BEND3: variants seen among roughly 807,000 people sequenced by gnomAD.
The protein encoded by BEND3 is BEN domain-containing protein 3.
A neutral mutation model predicts 60.1 loss-of-function variants in BEND3; 13 were observed. That is an observed-to-expected ratio of 0.22 (90% CI 0.14 to 0.34). The LOEUF is 0.34. BEND3 is among the 10% of genes least tolerant of loss of function. The pLI is 1.00. For synonymous variants in BEND3, 497 were observed against 491.5 expected (o/e 1.01, Z -0.15); for missense variants, 896 against 1,138.1 (o/e 0.79, Z 3.06).
rs781795814 is a variant in BEND3, at chr6:107,069,126, G to A, written c.2065C>T (p.Leu689=). ...TCCTTGCTGCTCCTCTCGGGGGGCA[G>A]TGGGGGCCCCTCAAACTCCTCCCGG... ...RFREEFEGPP[L]PPERSSKDFC... The change falls in exon 4 of 4, where the codon CTG becomes TTG. Residue 689 remains leucine, a synonymous_variant. Transcript: ENST00000369042. 3.1e-6 allele frequency: 5 copies of A among 1,612,814 alleles called. No individual in the cohort carries two copies. The South Asian group carries it at 3.3e-5, about 11-fold the overall frequency.
At position 107,107,389 on chromosome 6, in the gene BEND3, A is replaced by T. The variant is rs1775839115; in HGVS notation, c.-12+7701T>A. Reference sequence around the variant, plus strand: ...AAAACTACAAAGGAGAAAGTGTCTGACACATAGCACTCAAAGTTACCTATT... The same window carrying T: ...AAAACTACAAAGGAGAAAGTGTCTGTCACATAGCACTCAAAGTTACCTATT... On this transcript the variant is annotated intron_variant, in intron 1 of 3. Coordinates refer to ENST00000369042, the MANE Select transcript of BEND3 (RefSeq NM_001367314.1). 4.6e-5 allele frequency among the ~76,000 whole-genome samples: 7 copies of T among 152,086 alleles called. No individual in the cohort carries two copies. In the South Asian group the frequency reaches 1.5e-3, roughly 32 times the overall value.
At chr6:107,072,508 G>C (rs548599373) in intron 3 of BEND3, among the ~76,000 whole-genome samples, 13 of 152,196 alleles carry the variant, frequency 8.5e-5, no homozygotes, top group Non-Finnish European at 1.3e-4. Flanking sequence ...CAGTGCATGA[G>C]GTGTTTTTCT....
intron 1 of BEND3, among the ~76,000 whole-genome samples, chr6:107,107,933 T>C (rs1027542516): frequency 1.3e-5 from 2 of 152,168 alleles, no homozygotes; most frequent in Admixed American, 1.3e-4. Flanking sequence ...TCCCATGCCA[T>C]CCACTCTGGT....
intron 3 of BEND3, among the ~76,000 whole-genome samples, chr6:107,082,991 T>C (rs571655220): frequency 6.6e-6 from 1 of 152,342 alleles, no homozygotes; most frequent in South Asian, 2.1e-4. Flanking sequence ...TCTAGGAATC[T>C]AACCTACAGA....
Position 107,074,414 on chromosome 6 carries a change from C to T in BEND3, c.241-3464G>A, listed in dbSNP as rs368716547. ...TGGGCAACAGAGTGAGACTCTGTCT[C>T]AAAAATAAATACATAAAAATTTATT... On this transcript the variant is annotated intron_variant, in intron 3 of 3. Coordinates refer to ENST00000369042, the MANE Select transcript of BEND3 (RefSeq NM_001367314.1). Among the ~76,000 whole-genome samples the T allele has an allele frequency of 6.3e-4, 96 of 152,162 alleles. 1 individual carries two copies. Among genetic ancestry groups the T allele is most frequent in the African/African-American group, 2.0e-3 (82 of 41,522 alleles).
At chr6:107,094,396 T>G (rs1429987926) in intron 3 of BEND3, among the ~76,000 whole-genome samples, 1 of 149,894 alleles carries the variant, frequency 6.7e-6, no homozygotes, top group African/African-American at 2.5e-5. Context: ...CTGAGGGGGG[T>G]GGATCACCTG....
chr6:107,097,790 CAAAAAAAAA>C (rs10674719), intron 3 of BEND3, among the ~76,000 whole-genome samples: 1 of 53,350 alleles, frequency 1.9e-5, no homozygotes, highest in Non-Finnish European at 3.2e-5. Context: ...AACTCCGTCT[CAAAAAAAAA>C]AAAAAAAAAA....
rs1415066401 is a variant in BEND3, at chr6:107,115,477, C to T, written c.-399G>A. ...CGGCGGGGAGCTCGGGCGCGCACTCCCGGGACCCAGGCGGCCCGGCGCGCT... is the reference window on the plus strand; with the variant it reads ...CGGCGGGGAGCTCGGGCGCGCACTCTCGGGACCCAGGCGGCCCGGCGCGCT... On this transcript the variant is annotated 5_prime_UTR_variant, in exon 1 of 4. Transcript: ENST00000369042. 5.4e-5 allele frequency among the ~76,000 whole-genome samples: 8 copies of T among 147,252 alleles called. No homozygotes were observed. In the East Asian group the frequency reaches 7.9e-4, roughly 15 times the overall value.
chr6:107,098,557 G>C lies in BEND3; in HGVS notation c.234C>G (p.Ile78Met). Residue 78 changes from isoleucine to methionine, a missense_variant, in exon 3 of 4, where the codon ATC (isoleucine) becomes ATG (methionine). Around this residue, in one of 4 missense-constraint regions of BEND3, gnomAD observed 846 missense variants for 1,036.7 expected, o/e 0.82. Coordinates refer to ENST00000369042, the MANE Select transcript of BEND3 (RefSeq NM_001367314.1). ...ACAGCAGCTAGGCCCTCACCTCGGG[G>C]ATCAGCCGCCTCCTCTTCACGCCGG... is the stretch of plus-strand genomic sequence containing the variant. The part of the protein sequence containing the change: ...SVPGVKRRRL[I>M]PEALLAGMRN... 2.5e-6 allele frequency: 4 copies of C among 1,612,394 alleles called. No homozygotes were observed. Among genetic ancestry groups the C allele is most frequent in the Non-Finnish European group, 3.4e-6 (4 of 1,180,016 alleles).
In BEND3 at chr6:107,115,297, C is replaced by T. The variant is rs1770242905; in HGVS notation, c.-219G>A. The T allele has an allele frequency of 6.7e-6, 1 of 149,386 alleles. No homozygotes were observed. The highest frequency in any genetic ancestry group is 1.5e-5 in the Non-Finnish European group (1 of 66,896). The allele number at this position is 149,386 out of a possible 1,614,324, so 9.3% of individuals were successfully genotyped here. A position where few individuals can be genotyped will look rare whatever the true frequency, so the allele number is the denominator to read the frequency against. On this transcript the variant is annotated 5_prime_UTR_variant, in exon 1 of 4. Coordinates refer to ENST00000369042, the MANE Select transcript of BEND3 (RefSeq NM_001367314.1). ...GTCCGTGCGCTGCGCTCTCGCGTGACGTGACGGGACTCCGTGTGTCATTTC... is the reference window on the plus strand; with the variant it reads ...GTCCGTGCGCTGCGCTCTCGCGTGATGTGACGGGACTCCGTGTGTCATTTC...
intron 3 of BEND3, among the ~76,000 whole-genome samples, chr6:107,074,450 GATTT>G (rs1368336064): frequency 2.0e-5 from 3 of 152,042 alleles, no homozygotes; most frequent in Non-Finnish European, 1.5e-5. Flanking sequence ...ATTACAATAT[GATTT>G]ATTATTACGT....
At position 107,098,608 on chromosome 6, in the gene BEND3, G is replaced by A; in HGVS notation, c.183C>T (p.Val61=). Residue 61 remains valine (V), a synonymous_variant, in exon 3 of 4, where the codon GTC becomes GTT. Transcript: ENST00000369042. The part of the protein sequence containing the change: ...LQDSSKRKQL[V]SDGLLDSVPG... Reference sequence around the variant, plus strand: ...GGACAGAGTCTAGCAGGCCATCGCTGACCAGCTGCTTTCGTTTGCTGGAGT... The same window carrying A: ...GGACAGAGTCTAGCAGGCCATCGCTAACCAGCTGCTTTCGTTTGCTGGAGT... 6.2e-7 allele frequency: 1 copy of A among 1,613,824 alleles called. No homozygotes were observed. The highest frequency in any genetic ancestry group is 8.5e-7 in the Non-Finnish European group (1 of 1,180,038).
Position 107,093,636 on chromosome 6 carries a change from C to T in BEND3, c.240+4915G>A, listed in dbSNP as rs925501357. 3.9e-5 allele frequency among the ~76,000 whole-genome samples: 6 copies of T among 152,286 alleles called. No individual in the cohort carries two copies. The East Asian group carries it at 7.7e-4, about 20-fold the overall frequency. On this transcript the variant is annotated intron_variant, in intron 3 of 3. Coordinates refer to ENST00000369042, the MANE Select transcript of BEND3 (RefSeq NM_001367314.1). ...ATAAAGACAGTCAACGGAAGCAATA[C>T]GATGGAACACAGTCTTTTCAACATA...
At chr6:107,076,499 A>C (rs1554232794) in intron 3 of BEND3, among the ~76,000 whole-genome samples, 1 of 152,180 alleles carries the variant, frequency 6.6e-6, no homozygotes, top group East Asian at 1.9e-4. Context: ...TTGGGTTACA[A>C]GTGAGGGGTA....
chr6:107,101,291 G>T (rs1444602694), intron 1 of BEND3, among the ~76,000 whole-genome samples: 6 of 152,176 alleles, frequency 3.9e-5, no homozygotes, highest in Non-Finnish European at 1.5e-5. Flanking sequence ...GTGTGTGTTT[G>T]ACATACAGTA....
At chr6:107,076,879 C>T (rs1775111835) in intron 3 of BEND3, among the ~76,000 whole-genome samples, 1 of 152,084 alleles carries the variant, frequency 6.6e-6, no homozygotes, top group Non-Finnish European at 1.5e-5. Flanking sequence ...GTTGCCCAGG[C>T]TGGAGTGCAG....
chr6:107,075,827 T>A (rs1401545702), intron 3 of BEND3, among the ~76,000 whole-genome samples: 1 of 152,168 alleles, frequency 6.6e-6, no homozygotes, highest in Non-Finnish European at 1.5e-5. Flanking sequence ...ATTATTTGAA[T>A]ACCAACAACA....
intron 1 of BEND3, among the ~76,000 whole-genome samples, chr6:107,110,636 C>T (rs1227424568): frequency 6.6e-6 from 1 of 152,108 alleles, no homozygotes; most frequent in African/African-American, 2.4e-5. Context: ...TCTTGGCTCA[C>T]TGCAGCCTCC....
chr6:107,070,750 C>T lies in BEND3; in HGVS notation c.441G>A (p.Gly147=), dbSNP rs1774958919. 2 of 1,614,064 alleles carry T rather than the reference C, an allele frequency of 1.2e-6. No individual in the cohort carries two copies. Among genetic ancestry groups the T allele is most frequent in the Non-Finnish European group, 1.7e-6 (2 of 1,180,018 alleles). Residue 147 remains glycine (G), a synonymous_variant, in exon 4 of 4, where the codon GGG becomes GGA. Transcript: ENST00000369042. This position sits in a 1 kb window ranked among gnomAD's most constrained non-coding sequence, Gnocchi z 6.9. ...KIMEKKNPPS[G]DLLNVYELFE... ...AGAGCTCGTACACGTTTAGCAGGTC[C>T]CCCGAGGGAGGATTCTTCTTCTCCA...
Sources: allele counts gnomAD v4.1 joint callset (sites outside exome capture counted in the v4.1 genomes callset), GRCh38; gene constraint gnomAD v4.1.1; regional missense constraint gnomAD v4.1.1; non-coding constraint Gnocchi (gnomAD v3.1); transcripts MANE v1.5; gene names NCBI Gene and HGNC (gene_info 2026-07-23, HGNC 2026-07-21).